Variants in TXNL1 observed in about 807,000 individuals in gnomAD.
TXNL1 encodes thioredoxin-like protein 1.
Under a neutral mutation model 35.5 loss-of-function variants are expected in TXNL1, and 14 were observed. That is an observed-to-expected ratio of 0.39 (90% CI 0.26 to 0.62). The LOEUF (loss-of-function observed/expected upper bound fraction) is 0.62, where lower values mean the gene tolerates loss of function less well. TXNL1 is among the 20% of genes least tolerant of loss of function. The pLI is 0.47. For synonymous variants in TXNL1, 110 were observed against 115.5 expected (o/e 0.95, Z 0.31); for missense variants, 263 against 349.7 (o/e 0.75, Z 1.98).
At chr18:56,626,122 C>T (rs1598921306) in intron 2 of TXNL1, 2 of 1,118,360 alleles carry the variant, frequency 1.8e-6, no homozygotes, top group African/African-American at 1.6e-5. Flanking sequence ...CTATTAACAA[C>T]ATCGTATTAA....
At chr18:56,621,662 T>C (rs373486721) in intron 3 of TXNL1, among the ~76,000 whole-genome samples, 2 of 152,258 alleles carry the variant, frequency 1.3e-5, no homozygotes, top group African/African-American at 2.4e-5. Flanking sequence ...ATGCCAATCA[T>C]GGGAAAATAA....
chr18:56,624,174 G>T, intron 3 of TXNL1, 114 bp downstream of exon 3: 1 of 1,169,066 alleles, frequency 8.6e-7, no homozygotes, highest in Non-Finnish European at 1.2e-6. Context: ...TTATTTAAAA[G>T]TATTCTAAAC....
At chr18:56,638,165 TG>T (rs563292841) in intron 1 of TXNL1, among the ~76,000 whole-genome samples, 177 bp downstream of exon 1, 311 of 152,236 alleles carry the variant, frequency 2.0e-3, no homozygotes, top group African/African-American at 7.2e-3. Flanking sequence ...TAGGAACCCC[TG>T]TGCATAAATG....
intron 1 of TXNL1, among the ~76,000 whole-genome samples, chr18:56,632,746 G>A (rs922498200): frequency 1.3e-5 from 2 of 152,164 alleles, no homozygotes; most frequent in Non-Finnish European, 2.9e-5. Context: ...ACAGTGCGAG[G>A]AGTCCGGAGT....
Position 56,599,618 on chromosome 18 carries a change from T to C in TXNL1, c.*3409A>G, listed in dbSNP as rs944990450. On this transcript the variant is annotated 3_prime_UTR_variant, in exon 8 of 8. Transcript: ENST00000217515. ...CTCTGTTGCCCGGGCTAGTGTGCAG[T>C]CATGCGATCTTGGCTCACTGCAACC... 6.6e-6 allele frequency: 1 copy of C among 151,978 alleles called. No homozygotes were observed. Among genetic ancestry groups the C allele is most frequent in the Non-Finnish European group, 1.5e-5 (1 of 68,066 alleles). 9.4% of individuals were successfully genotyped at this position (151,978 alleles called of 1,614,324 possible).
chr18:56,608,398 C>A (rs769314773), intron 7 of TXNL1: 9 of 152,066 alleles, frequency 5.9e-5, no homozygotes, highest in Non-Finnish European at 8.8e-5. Flanking sequence ...AGAAATATTA[C>A]AAGAAAATGC....
At chr18:56,636,124 A>T (rs1414164792) in intron 1 of TXNL1, among the ~76,000 whole-genome samples, 1 of 152,194 alleles carries the variant, frequency 6.6e-6, no homozygotes, top group Non-Finnish European at 1.5e-5. Flanking sequence ...TTTATGTTAT[A>T]TATATTTTAT....
At chr18:56,638,304 G>A in intron 1 of TXNL1, 39 bp downstream of exon 1, 1 of 1,571,108 alleles carries the variant, frequency 6.4e-7, no homozygotes, top group Non-Finnish European at 8.7e-7. Context: ...AAGCAAGGAA[G>A]GACAGACGGG....
At chr18:56,633,054 T>C (rs2024399261) in intron 1 of TXNL1, among the ~76,000 whole-genome samples, 1 of 152,300 alleles carries the variant, frequency 6.6e-6, no homozygotes, top group South Asian at 2.1e-4. Context: ...CCTTCTTAGA[T>C]TGTAACAAAC....
At chr18:56,623,519 G>C (rs1383289188) in intron 3 of TXNL1, among the ~76,000 whole-genome samples, 1 of 151,724 alleles carries the variant, frequency 6.6e-6, no homozygotes, top group East Asian at 1.9e-4. Context: ...TTTGTAACCA[G>C]AGAAATTAAA....
At chr18:56,616,169 A>C in intron 5 of TXNL1, 76 bp downstream of exon 5, 6 of 1,320,638 alleles carry the variant, frequency 4.5e-6, no homozygotes, top group Non-Finnish European at 5.2e-6. Context: ...ACCTCTATTT[A>C]ATAAAAAGTT....
At chr18:56,615,892 G>C (rs1324987190) in intron 5 of TXNL1, among the ~76,000 whole-genome samples, 1 of 152,060 alleles carries the variant, frequency 6.6e-6, no homozygotes, top group Non-Finnish European at 1.5e-5. Flanking sequence ...CAGTCTGGGA[G>C]GCCAAGGTGG....
rs1181271365 is a variant in TXNL1, at chr18:56,599,052, A to C, written c.*3975T>G. 2.0e-5 allele frequency: 3 copies of C among 152,246 alleles called. No individual in the cohort carries two copies. The East Asian group carries it at 5.8e-4, about 29-fold the overall frequency. The allele number at this position is 152,246 out of a possible 1,614,324, so 9.4% of individuals were successfully genotyped here. A position where few individuals can be genotyped will look rare whatever the true frequency, so the allele number is the denominator to read the frequency against. On this transcript the variant is annotated 3_prime_UTR_variant, in exon 8 of 8. Coordinates refer to ENST00000217515, the MANE Select transcript of TXNL1 (RefSeq NM_004786.3). ...CCATAGAGAAGCATAGCAAGCACGA[A>C]GGAAAAATACTCTAGCAGTTTTAAC...
chr18:56,611,565 GACT>G (rs912666695), intron 6 of TXNL1, among the ~76,000 whole-genome samples: 72 of 152,010 alleles, frequency 4.7e-4, no homozygotes, highest in African/African-American at 1.6e-3. Context: ...TATAGGATAG[GACT>G]ACTAATTATA....
rs559166632 is a variant in TXNL1 at position 56,630,067 on chromosome 18, C to T, written c.99-3610G>A. On this transcript the variant is annotated intron_variant, in intron 1 of 7. Coordinates refer to ENST00000217515, the MANE Select transcript of TXNL1 (RefSeq NM_004786.3). ...TACAAAAATTAGCCAGGCGTGATAG[C>T]GGATGCCTATAGTCCCAGCTATTCG... Among the ~76,000 whole-genome samples the T allele has an allele frequency of 1.8e-4, 28 of 152,152 alleles. No individual in the cohort carries two copies. The East Asian group carries it at 3.7e-3, about 20-fold the overall frequency.
chr18:56,630,116 T>C (rs1269294799), intron 1 of TXNL1, among the ~76,000 whole-genome samples: 2 of 151,798 alleles, frequency 1.3e-5, no homozygotes, highest in Non-Finnish European at 2.9e-5. Context: ...GGAGAATCAC[T>C]TGAACCCGGA....
At chr18:56,638,265 G>C in intron 1 of TXNL1, 78 bp downstream of exon 1, 1 of 1,443,308 alleles carries the variant, frequency 6.9e-7, no homozygotes, top group Non-Finnish European at 9.4e-7. Context: ...AGACGGCTAG[G>C]AAACCAGGGC....
At chr18:56,611,941 C>T (rs1218351464) in intron 6 of TXNL1, among the ~76,000 whole-genome samples, 1 of 150,498 alleles carries the variant, frequency 6.6e-6, no homozygotes, top group African/African-American at 2.5e-5. Flanking sequence ...CTCCACCTCT[C>T]AGGTTCAAGC....
chr18:56,627,815 TCAAA>T (rs1054795851), intron 1 of TXNL1, among the ~76,000 whole-genome samples: 2 of 148,884 alleles, frequency 1.3e-5, no homozygotes, highest in African/African-American at 5.0e-5. Context: ...TTTCAAAACC[TCAAA>T]CTAAGCAATG....
Sources: allele counts gnomAD v4.1 joint callset (sites outside exome capture counted in the v4.1 genomes callset), GRCh38; gene constraint gnomAD v4.1.1; transcripts MANE v1.5; gene names NCBI Gene and HGNC (gene_info 2026-07-23, HGNC 2026-07-21).